KLF8: variants seen among roughly 807,000 people sequenced by gnomAD.
The protein encoded by KLF8 is Krueppel-like factor 8.
A neutral mutation model predicts 18.2 loss-of-function variants in KLF8; 10 were observed. The ratio of observed to expected loss-of-function variants is 0.55; its 90% CI spans 0.34 to 0.93. KLF8 has a LOEUF of 0.93. Among genes scored for constraint, KLF8 ranks in the 40% least tolerant of loss-of-function variants. The pLI is 0.02. For synonymous variants in KLF8, 109 were observed against 97.3 expected, an observed-to-expected ratio of 1.12 and a Z score of -0.71; for missense variants, 264 against 277.9, an observed-to-expected ratio of 0.95 and a Z score of 0.36.
chrX:56,146,113 G>A, the KLF8 span, among the ~76,000 whole-genome samples: 10 of 112,150 alleles, frequency 8.9e-5, no homozygotes, highest in African/African-American at 3.2e-4. Context: ...CACTGTTGGT[G>A]GGAGTGTAAA....
chrX:56,154,961 G>T, the KLF8 span, among the ~76,000 whole-genome samples: 157 of 112,046 alleles, frequency 1.4e-3, 2 homozygotes, highest in African/African-American at 4.3e-3. Flanking sequence ...AACAACAGGT[G>T]CTGGAGAGGA....
the KLF8 span, among the ~76,000 whole-genome samples, chrX:56,113,682 C>T: frequency 1.9e-5 from 2 of 107,166 alleles, no homozygotes; most frequent in Non-Finnish European, 3.8e-5. Flanking sequence ...CTTTACAGAT[C>T]GGTTTTGAAT....
the KLF8 span, among the ~76,000 whole-genome samples, chrX:56,181,075 C>T: frequency 9.0e-6 from 1 of 111,061 alleles, no homozygotes; most frequent in Non-Finnish European, 1.9e-5. Flanking sequence ...TAAAGTCTCC[C>T]ATTATTGTTG....
chrX:56,160,547 G>A, the KLF8 span, among the ~76,000 whole-genome samples: 2 of 111,326 alleles, frequency 1.8e-5, no homozygotes, highest in Non-Finnish European at 3.8e-5. Flanking sequence ...GGTTACTAAG[G>A]ACTTGCTTTA....
At chrX:55,934,097 A>C in the KLF8 span, among the ~76,000 whole-genome samples, 2 of 112,211 alleles carry the variant, frequency 1.8e-5, no homozygotes, top group African/African-American at 3.2e-5. Context: ...AATTGTATAC[A>C]GTTTTCTTGT....
the KLF8 span, among the ~76,000 whole-genome samples, chrX:56,031,673 G>A: frequency 9.0e-6 from 1 of 111,637 alleles, no homozygotes; most frequent in African/African-American, 3.3e-5. Flanking sequence ...GGGCTGCCTC[G>A]GCTGTCCATC....
the KLF8 span, among the ~76,000 whole-genome samples, chrX:55,955,377 C>T: frequency 4.5e-5 from 5 of 111,143 alleles, no homozygotes; most frequent in Admixed American, 2.9e-4. Flanking sequence ...GAGATCTGAT[C>T]GTGAAAGGCC....
the KLF8 span, among the ~76,000 whole-genome samples, chrX:56,111,170 G>A: frequency 8.9e-6 from 1 of 112,237 alleles, no homozygotes; most frequent in Non-Finnish European, 1.9e-5. Context: ...AACTCTTATG[G>A]TTTCTGATGA....
chrX:56,077,997 C>A, the KLF8 span, among the ~76,000 whole-genome samples: 40 of 112,044 alleles, frequency 3.6e-4, no homozygotes, highest in Middle Eastern at 4.6e-3. Flanking sequence ...CTTTCGTATC[C>A]TGAGACTTTG....
the KLF8 span, among the ~76,000 whole-genome samples, chrX:56,183,890 A>G: frequency 2.7e-5 from 3 of 111,640 alleles, no homozygotes; most frequent in Non-Finnish European, 5.7e-5. Context: ...CGGAGGTGGC[A>G]GCCAAGATGG....
intron 5 of KLF8, among the ~76,000 whole-genome samples, chrX:56,278,708 C>A (rs1484783602): frequency 1.8e-5 from 2 of 111,074 alleles, no homozygotes; most frequent in Non-Finnish European, 3.8e-5. Flanking sequence ...GGCTCTGAGC[C>A]CAGTTCATCA....
At chrX:56,071,070 C>G in the KLF8 span, among the ~76,000 whole-genome samples, 1 of 111,492 alleles carries the variant, frequency 9.0e-6, no homozygotes, top group African/African-American at 3.3e-5. Flanking sequence ...AATAGATAAC[C>G]TAGATATTAG....
the KLF8 span, among the ~76,000 whole-genome samples, chrX:56,176,234 C>G: frequency 1.8e-5 from 2 of 111,957 alleles, no homozygotes; most frequent in Non-Finnish European, 3.8e-5. Flanking sequence ...TTTGCAGTGG[C>G]TGGTACCGGT....
At chrX:56,069,547 C>T in the KLF8 span, among the ~76,000 whole-genome samples, 1 of 112,177 alleles carries the variant, frequency 8.9e-6, no homozygotes, top group South Asian at 3.7e-4. Context: ...CCACCCACCC[C>T]CACTGCTGGT....
rs1271011707 is a variant in KLF8 at position 56,232,829 on chromosome X, G to A, written c.-506G>A. ...AAGTAGCGCTTTGGGGGTTGGGTTG[G>A]TTTTCATAGCCCCCACCCCCGGCCC... On this transcript the variant is annotated 5_prime_UTR_variant, in exon 1 of 6. Transcript: ENST00000468660. 8.6e-6 allele frequency: 1 copy of A among 115,778 alleles called. No individual in the cohort carries two copies. Among genetic ancestry groups the A allele is most frequent in the Non-Finnish European group, 1.8e-5 (1 of 56,182 alleles). 9.5% of individuals were successfully genotyped at this position (115,778 alleles called of 1,213,427 possible).
the KLF8 span, among the ~76,000 whole-genome samples, chrX:56,141,252 CCA>C: frequency 8.9e-6 from 1 of 112,152 alleles, no homozygotes. Context: ...CAGGCGTGAG[CCA>C]CCATACCCGG....
At chrX:56,126,215 T>A in the KLF8 span, among the ~76,000 whole-genome samples, 4 of 111,697 alleles carry the variant, frequency 3.6e-5, no homozygotes, top group Non-Finnish European at 7.5e-5. Flanking sequence ...TTCCTTTCAG[T>A]TGATAAGACC....
At chrX:55,908,801 G>A in the KLF8 span, 108 of 256,110 alleles carry the variant, frequency 4.2e-4, no homozygotes, top group Non-Finnish European at 6.7e-4. Context: ...GAATCCGAAA[G>A]TAAGTTCCTT....
At chrX:55,972,006 AAAATCC>A in the KLF8 span, among the ~76,000 whole-genome samples, 3 of 111,005 alleles carry the variant, frequency 2.7e-5, no homozygotes, top group Admixed American at 2.9e-4. Flanking sequence ...GGTTCTCCAT[AAAATCC>A]ATAAAATCCA....
Sources: allele counts gnomAD v4.1 joint callset (sites outside exome capture counted in the v4.1 genomes callset), GRCh38; gene constraint gnomAD v4.1.1; transcripts MANE v1.5; gene names NCBI Gene and HGNC (gene_info 2026-07-23, HGNC 2026-07-21).